The following HSPH1 variants were observed in gnomAD, a reference collection of about 807,000 sequenced individuals.
The protein encoded by HSPH1 is heat shock protein family H (Hsp110) member 1, also known as heat shock protein 105 kDa.
A neutral mutation model predicts 100.0 loss-of-function variants in HSPH1; 40 were observed. That is an observed-to-expected ratio of 0.40 (90% CI 0.31 to 0.52). The LOEUF (loss-of-function observed/expected upper bound fraction) is 0.52, where lower values mean the gene tolerates loss of function less well. Among genes scored for constraint, HSPH1 ranks in the 20% least tolerant of loss-of-function variants. The pLI, the probability that HSPH1 is intolerant of heterozygous loss-of-function variation, is 0.54. For missense variants in HSPH1, 876 were observed against 1,015.1 expected, an observed-to-expected ratio of 0.86 and a Z score of 1.86; for synonymous variants, 403 against 344.0, an observed-to-expected ratio of 1.17 and a Z score of -1.90.
At position 31,151,061 on chromosome 13, in the gene HSPH1, C is replaced by T. The variant is rs1449458565; in HGVS notation, c.794G>A (p.Arg265His). ...DAKSKIRALL[R>H]LYQECEKLKK... ...CAGTTTTTCACATTCCTGATACAGA[C>T]GTAGGAGTGCTCGTATTTTGGATTT... Residue 265 changes from arginine (R) to histidine (H), a missense_variant, in exon 7 of 18, where the codon CGT becomes CAT. Physicochemically the swap from Arg to His is conservative, Grantham distance 29. Coordinates refer to ENST00000320027, the MANE Select transcript of HSPH1 (RefSeq NM_006644.4). 4.3e-6 allele frequency: 7 copies of T among 1,613,688 alleles called. No individual in the cohort carries two copies. Among genetic ancestry groups the T allele is most frequent in the Non-Finnish European group, 4.2e-6 (5 of 1,179,834 alleles).
At chr13:31,140,002 G>A (rs1956030987) in intron 14 of HSPH1, among the ~76,000 whole-genome samples, 182 bp downstream of exon 14, 1 of 151,978 alleles carries the variant, frequency 6.6e-6, no homozygotes, top group Non-Finnish European at 1.5e-5. Flanking sequence ...AAGAGTTTTG[G>A]GGGTAGGCTA....
Position 31,152,877 on chromosome 13 carries a change from T to TA in HSPH1, c.503dup (p.Leu168PhefsTer6). 3 of 1,612,368 alleles carry TA rather than the reference T, an allele frequency of 1.9e-6. No homozygotes were observed. The highest frequency in any genetic ancestry group is 1.7e-6 in the Non-Finnish European group (2 of 1,178,578). On this transcript the variant is annotated frameshift_variant, in exon 5 of 18. Coordinates refer to ENST00000320027, the MANE Select transcript of HSPH1 (RefSeq NM_006644.4). LOFTEE classifies it high-confidence loss of function. Reference sequence around the variant, plus strand: ...CAGCTGTCATGTCATTCATAAGTCTTAAACAGTTTAGGCCAACAATCTGTG... The same window carrying TA: ...CAGCTGTCATGTCATTCATAAGTCTTAAAACAGTTTAGGCCAACAATCTGTG...
At chr13:31,161,365 C>G in intron 1 of HSPH1, 111 bp downstream of exon 1, 1 of 1,502,468 alleles carries the variant, frequency 6.7e-7, no homozygotes, top group Non-Finnish European at 9.0e-7. Context: ...TGCGCCGCTG[C>G]CCAAACGCCT....
At chr13:31,143,031 A>G (rs9538549) in intron 12 of HSPH1, among the ~76,000 whole-genome samples, 83 of 152,230 alleles carry the variant, frequency 5.5e-4, no homozygotes, top group Non-Finnish European at 9.6e-4. Flanking sequence ...TCCTGACCCA[A>G]TGAAAGATTC....
chr13:31,138,713 C>T, intron 16 of HSPH1, 68 bp downstream of exon 16: 1 of 1,552,970 alleles, frequency 6.4e-7, no homozygotes. Context: ...ATGATGATTC[C>T]CAGCTTAAGT....
At chr13:31,154,608 C>T (rs1956612226) in intron 4 of HSPH1, 25 bp downstream of exon 4, 1 of 1,613,608 alleles carries the variant, frequency 6.2e-7, no homozygotes, top group Admixed American at 1.7e-5. Flanking sequence ...AAATAAAACA[C>T]ACTGCCTTGC....
At chr13:31,139,160 C>T in intron 14 of HSPH1, 53 bp from the exon 15 acceptor site, 3 of 1,141,074 alleles carry the variant, frequency 2.6e-6, no homozygotes, top group Non-Finnish European at 4.0e-6. Context: ...GAATTTTTCA[C>T]AACAAAACAA....
chr13:31,148,795 G>GT (rs1429201811), intron 8 of HSPH1, among the ~76,000 whole-genome samples: 4 of 151,956 alleles, frequency 2.6e-5, no homozygotes, highest in Non-Finnish European at 5.9e-5. Flanking sequence ...ATTTCAAATT[G>GT]TATCACTTTT....
At chr13:31,142,215 C>G (rs996875396) in intron 12 of HSPH1, among the ~76,000 whole-genome samples, 1 of 152,058 alleles carries the variant, frequency 6.6e-6, no homozygotes, top group Admixed American at 6.6e-5. Context: ...TGAGGAGTTA[C>G]AATGGATTAA....
At chr13:31,143,435 G>C (rs1416597157) in intron 12 of HSPH1, among the ~76,000 whole-genome samples, 1 of 152,108 alleles carries the variant, frequency 6.6e-6, no homozygotes, top group Non-Finnish European at 1.5e-5. Flanking sequence ...CATCTGATTA[G>C]TTCAAGTGAA....
rs778117307 is a variant in HSPH1, at chr13:31,138,792, A to T, written c.2197T>A (p.Phe733Ile). 2.5e-6 allele frequency: 4 copies of T among 1,605,842 alleles called. No homozygotes were observed. In the African/African-American group the frequency reaches 5.4e-5, roughly 22 times the overall value. Residue 733 changes from phenylalanine to isoleucine, a missense_variant, in exon 16 of 18, where the codon TTC becomes ATC. Phe to Ile is a conservative substitution (Grantham distance 21). Coordinates refer to ENST00000320027, the MANE Select transcript of HSPH1 (RefSeq NM_006644.4). ...LQHYAKIAAD[F>I]RNKDEKYNHI... is the part of the protein sequence containing the mutation. ...AAAGACTGACTCACCTTATTTCTGAAGTCAGCTGCTATCTTGGCATAATGC... is the reference window on the plus strand; with the variant it reads ...AAAGACTGACTCACCTTATTTCTGATGTCAGCTGCTATCTTGGCATAATGC...
At chr13:31,139,164 A>C (rs1955996288) in intron 14 of HSPH1, 57 bp from the exon 15 acceptor site, 3 of 1,105,096 alleles carry the variant, frequency 2.7e-6, no homozygotes, top group African/African-American at 3.1e-5. Flanking sequence ...TTTTCACAAC[A>C]AAACAAAGAG....
rs1956921282 is a variant in HSPH1 at position 31,161,670 on chromosome 13, G to A, written c.-88C>T. 1.9e-6 allele frequency: 3 copies of A among 1,572,628 alleles called. No homozygotes were observed. Among genetic ancestry groups the A allele is most frequent in the Non-Finnish European group, 2.6e-6 (3 of 1,165,964 alleles). On this transcript the variant is annotated 5_prime_UTR_variant, in exon 1 of 18. Transcript: ENST00000320027. ...TTCTCCTGCCGCCGCTTTCTGCCCT[G>A]GCCGCGTTCTGCTCCGGCCCGCGGG...
At chr13:31,153,990 G>C (rs1416331851) in intron 4 of HSPH1, 1 of 152,518 alleles carries the variant, frequency 6.6e-6, no homozygotes, top group Non-Finnish European at 1.5e-5. Flanking sequence ...ATAAAGGCTT[G>C]TTGCTGACTG....
chr13:31,151,869 T>A (rs1210263000), intron 5 of HSPH1, 127 bp from the exon 6 acceptor site: 13 of 702,002 alleles, frequency 1.9e-5, no homozygotes, highest in Middle Eastern at 3.6e-4. Context: ...ACACATTACA[T>A]TCCTTTTATA....
In HSPH1 at chr13:31,135,617, A is replaced by C. The variant is rs1021405166; in HGVS notation, c.*1701T>G. 6.6e-6 allele frequency: 1 copy of C among 152,252 alleles called. No homozygotes were observed. The highest frequency in any genetic ancestry group is 2.4e-5 in the African/African-American group (1 of 41,472). 9.4% of individuals were successfully genotyped at this position (152,252 alleles called of 1,614,324 possible). A position where few individuals can be genotyped will look rare whatever the true frequency, so the allele number is the denominator to read the frequency against. ...TCTGAGATGTTGAAGCACCTATCAGACGTACAAATGACGAGCTACCTGGTC... is the reference window on the plus strand; with the variant it reads ...TCTGAGATGTTGAAGCACCTATCAGCCGTACAAATGACGAGCTACCTGGTC... On this transcript the variant is annotated 3_prime_UTR_variant, in exon 18 of 18. Coordinates refer to ENST00000320027, the MANE Select transcript of HSPH1 (RefSeq NM_006644.4).
At chr13:31,150,263 T>C (rs1956438531) in intron 7 of HSPH1, 81 bp from the exon 8 acceptor site, 5 of 1,016,136 alleles carry the variant, frequency 4.9e-6, no homozygotes, top group African/African-American at 1.6e-5. Context: ...AATTTCATTA[T>C]TTTCCCCCTC....
chr13:31,141,567 A>C (rs1013381381), intron 12 of HSPH1, among the ~76,000 whole-genome samples: 4 of 152,054 alleles, frequency 2.6e-5, no homozygotes, highest in African/African-American at 9.7e-5. Context: ...TGTAAATCCC[A>C]TGAGTCAAAA....
At chr13:31,161,916 T>C (rs1180573680), upstream of HSPH1, 4 of 1,512,502 alleles carry the variant, frequency 2.6e-6, no homozygotes, top group Non-Finnish European at 3.5e-6. Context: ...AAAGGGGAGG[T>C]CCCACTTCCT....
Sources: allele counts gnomAD v4.1 joint callset (sites outside exome capture counted in the v4.1 genomes callset), GRCh38; gene constraint gnomAD v4.1.1; transcripts MANE v1.5; gene names NCBI Gene and HGNC (gene_info 2026-07-23, HGNC 2026-07-21).